Variants in MORC4 observed in about 807,000 individuals in gnomAD.
The protein encoded by MORC4 is MORC family CW-type zinc finger protein 4.
Under a neutral mutation model 65.5 loss-of-function variants are expected in MORC4, and 22 were observed. The observed-to-expected ratio is 0.34, with a 90% confidence interval of 0.24 to 0.48. MORC4 has a LOEUF of 0.48. MORC4 is among the 20% of genes least tolerant of loss of function. MORC4 has a pLI of 0.99. For synonymous variants in MORC4, 267 were observed against 255.8 expected, an observed-to-expected ratio of 1.04 and a Z score of -0.42; for missense variants, 624 against 703.0, an observed-to-expected ratio of 0.89 and a Z score of 1.27.
intron 14 of MORC4, among the ~76,000 whole-genome samples, chrX:106,953,635 A>G (rs1934029621): frequency 9.0e-6 from 1 of 111,138 alleles, no homozygotes; most frequent in African/African-American, 3.3e-5. Flanking sequence ...ACTATATTCC[A>G]AGGCACCGTT....
chrX:106,942,346 A>G, intron 15 of MORC4, 125 bp from the exon 16 acceptor site: 1 of 923,994 alleles, frequency 1.1e-6, no homozygotes, highest in Non-Finnish European at 1.5e-6. Flanking sequence ...TCAATACCCT[A>G]AAATGGGCAG....
intron 9 of MORC4, among the ~76,000 whole-genome samples, chrX:106,974,242 T>C (rs1344603052): frequency 2.7e-5 from 3 of 111,945 alleles, no homozygotes; most frequent in African/African-American, 6.5e-5. Context: ...ATGGCTGCTT[T>C]CATACTACAG....
intron 13 of MORC4, among the ~76,000 whole-genome samples, chrX:106,955,540 CAG>C (rs756679999): frequency 9.7e-6 from 1 of 103,411 alleles, no homozygotes; most frequent in African/African-American, 3.6e-5. Context: ...CACACACACA[CAG>C]ACATGCATCT....
intron 14 of MORC4, among the ~76,000 whole-genome samples, chrX:106,949,990 AG>A (rs1282409085): frequency 8.9e-6 from 1 of 111,971 alleles, no homozygotes; most frequent in Non-Finnish European, 1.9e-5. Flanking sequence ...TCGTTCAGCC[AG>A]TGGTTGGTTA....
intron 3 of MORC4, among the ~76,000 whole-genome samples, chrX:106,987,023 T>C (rs1483375457): frequency 8.9e-6 from 1 of 111,804 alleles, no homozygotes; most frequent in African/African-American, 3.3e-5. Flanking sequence ...AAAATGATTA[T>C]ATATCTTCCC....
chrX:106,974,712 G>A (rs1934587187), intron 9 of MORC4, among the ~76,000 whole-genome samples: 1 of 111,842 alleles, frequency 8.9e-6, no homozygotes, highest in African/African-American at 3.2e-5. Flanking sequence ...CCAGCAGTAT[G>A]ATGGCTGGTA....
At chrX:106,952,637 T>G (rs1421908880) in intron 14 of MORC4, among the ~76,000 whole-genome samples, 1 of 112,014 alleles carries the variant, frequency 8.9e-6, no homozygotes, top group African/African-American at 3.3e-5. Context: ...CTTGCTAGAT[T>G]TGTGGGACTC....
chrX:106,942,340 T>G, intron 15 of MORC4, 119 bp from the exon 16 acceptor site: 1 of 929,401 alleles, frequency 1.1e-6, no homozygotes, highest in Non-Finnish European at 1.5e-6. Context: ...GCCTTTTCAA[T>G]ACCCTAAAAT....
intron 2 of MORC4, among the ~76,000 whole-genome samples, chrX:106,997,174 A>G (rs958933047): frequency 2.7e-5 from 3 of 112,093 alleles, no homozygotes; most frequent in African/African-American, 9.7e-5. Context: ...CATTGAATAG[A>G]CCACAAATTT....
chrX:106,941,701 G>C, intron 16 of MORC4, 69 bp from the exon 17 acceptor site: 1 of 1,063,896 alleles, frequency 9.4e-7, no homozygotes, highest in Non-Finnish European at 1.3e-6. Context: ...ATAAAATGAA[G>C]CCCCTTCAAA....
intron 5 of MORC4, among the ~76,000 whole-genome samples, chrX:106,982,696 C>T (rs529586493): frequency 1.8e-5 from 2 of 111,854 alleles, no homozygotes; most frequent in South Asian, 7.5e-4. Flanking sequence ...AACTTCTGGG[C>T]TCAAGCGATT....
At chrX:106,972,572 T>G (rs1050479245) in intron 9 of MORC4, among the ~76,000 whole-genome samples, 3 of 111,677 alleles carry the variant, frequency 2.7e-5, no homozygotes, top group Non-Finnish European at 5.6e-5. Flanking sequence ...AAGAGCCTCT[T>G]GTTGGATGAC....
rs766895107 is a variant in MORC4, at chrX:106,964,255, G to A, written c.1158-2145C>T. 2.6e-4 allele frequency among the ~76,000 whole-genome samples: 29 copies of A among 111,575 alleles called. No individual in the cohort carries two copies. In the South Asian group the frequency reaches 8.3e-3, roughly 32 times the overall value. ...TAAAAACTGAAATGAAAAATCCACC[G>A]CAGGAATTCAAAGGCAGATCTGATC... On this transcript the variant is annotated intron_variant, in intron 9 of 16. Transcript: ENST00000355610.
rs1038674301 is a variant in MORC4, at chrX:106,956,838, A to T, written c.1454+98T>A. ...GAGGTGAGGAGGGAAATTATTTAAG[A>T]ACCAAAAAAATTCTCTCTTCTCAAA... On this transcript the variant is annotated intron_variant, in intron 12 of 16. Transcript: ENST00000355610. 6.3e-6 allele frequency: 4 copies of T among 636,797 alleles called. No homozygotes were observed. In the East Asian group the frequency reaches 9.9e-5, roughly 16 times the overall value. The allele number at this position is 636,797 out of a possible 1,213,427, so 52.5% of individuals were successfully genotyped here. A position where few individuals can be genotyped will look rare whatever the true frequency, so the allele number is the denominator to read the frequency against.
At chrX:106,944,876 C>T (rs1933785471) in intron 14 of MORC4, among the ~76,000 whole-genome samples, 2 of 111,541 alleles carry the variant, frequency 1.8e-5, no homozygotes, top group African/African-American at 6.5e-5. Context: ...CAATGGCTTC[C>T]TCCTGTCTCC....
intron 14 of MORC4, among the ~76,000 whole-genome samples, chrX:106,946,482 T>G (rs1302622558): frequency 1.8e-5 from 2 of 112,726 alleles, no homozygotes; most frequent in Non-Finnish European, 3.7e-5. Context: ...TTTTCATAGC[T>G]AAATAATAGT....
intron 9 of MORC4, among the ~76,000 whole-genome samples, chrX:106,962,311 A>G (rs1030781402): frequency 4.4e-5 from 5 of 112,598 alleles, no homozygotes; most frequent in Non-Finnish European, 9.4e-5. Flanking sequence ...AACACTGAAC[A>G]GTCACTTTGG....
intron 2 of MORC4, among the ~76,000 whole-genome samples, chrX:106,996,989 C>T (rs1350538800): frequency 8.9e-6 from 1 of 111,845 alleles, no homozygotes; most frequent in Non-Finnish European, 1.9e-5. Context: ...AGGCTCCCAT[C>T]CTCCCCTGTT....
Position 106,956,483 on chromosome X carries a change from G to A in MORC4, c.1506C>T (p.His502=), listed in dbSNP as rs954103633. ...KKKMPMENEN[H]QVFSNPPKIL... ...AAGGGTGTGCACTGCCTCTCACCTG[G>A]TGGTTCTCATTTTCCATAGGCATCT... is the stretch of plus-strand genomic sequence containing the variant. The change falls in exon 13 of 17, where the codon CAC becomes CAT. Residue 502 remains histidine (H), a synonymous_variant. Coordinates refer to ENST00000355610, the MANE Select transcript of MORC4 (RefSeq NM_024657.5). The A allele has an allele frequency of 5.8e-6, 7 of 1,202,154 alleles. No individual in the cohort carries two copies. Among genetic ancestry groups the A allele is most frequent in the Non-Finnish European group, 7.9e-6 (7 of 887,870 alleles).
Sources: gnomAD v4.1 joint callset for allele counts (sites outside exome capture counted in the v4.1 genomes callset) on GRCh38, gnomAD v4.1.1 for gene constraint, MANE v1.5 for transcripts, NCBI Gene and HGNC (gene_info 2026-07-23, HGNC 2026-07-21) for gene names.